Variants in SGSM1 observed in about 807,000 individuals in gnomAD.
SGSM1 encodes small G protein signaling modulator 1.
A neutral mutation model predicts 133.8 loss-of-function variants in SGSM1; 73 were observed. The observed-to-expected ratio is 0.55, with a 90% CI of 0.45 to 0.66. SGSM1 has a LOEUF of 0.66. SGSM1 is among the 30% of genes least tolerant of loss of function. The pLI, the probability that SGSM1 is intolerant of heterozygous loss-of-function variation, is 0.00. For synonymous variants in SGSM1, 563 were observed against 573.0 expected, an observed-to-expected ratio of 0.98 and a Z score of 0.25; for missense variants, 1,213 against 1,448.1, an observed-to-expected ratio of 0.84 and a Z score of 2.64.
intron 11 of SGSM1, 61 bp downstream of exon 11, chr22:24,868,600 T>G (rs1201358394): frequency 6.2e-7 from 1 of 1,611,910 alleles, no homozygotes; most frequent in African/African-American, 1.3e-5. Flanking sequence ...GGGTGGTTGT[T>G]TTTGCCTGTG....
chr22:24,851,698 G>C (rs562548788), intron 5 of SGSM1, among the ~76,000 whole-genome samples: 38 of 152,248 alleles, frequency 2.5e-4, no homozygotes, highest in African/African-American at 7.5e-4. Context: ...ATGTTCCAAG[G>C]GGGCGTGGTG....
chr22:24,898,843 T>C (rs907634947), intron 19 of SGSM1, among the ~76,000 whole-genome samples: 8 of 151,966 alleles, frequency 5.3e-5, no homozygotes, highest in Admixed American at 2.0e-4. Context: ...CTGGCTAACA[T>C]GGTGAAAACC....
chr22:24,906,519 G>C (rs1484571246), intron 21 of SGSM1, among the ~76,000 whole-genome samples: 1 of 152,230 alleles, frequency 6.6e-6, no homozygotes, highest in South Asian at 2.1e-4. Context: ...ACTGATAAGT[G>C]TATCAAGGTT....
intron 13 of SGSM1, among the ~76,000 whole-genome samples, chr22:24,878,244 C>T (rs558217152): frequency 6.6e-6 from 1 of 152,140 alleles, no homozygotes; most frequent in Admixed American, 6.5e-5. Context: ...GGAGAAATTC[C>T]AAGTAACTCT....
intron 3 of SGSM1, among the ~76,000 whole-genome samples, chr22:24,847,193 A>C (rs751587196): frequency 6.6e-6 from 1 of 152,124 alleles, no homozygotes; most frequent in African/African-American, 2.4e-5. Context: ...TCATTCATTC[A>C]AAACAAAGTG....
intron 2 of SGSM1, among the ~76,000 whole-genome samples, chr22:24,840,997 C>T (rs1029608527): frequency 6.6e-6 from 1 of 151,962 alleles, no homozygotes; most frequent in Non-Finnish European, 1.5e-5. Flanking sequence ...ACTACAGGCG[C>T]CCACCACCAC....
chr22:24,858,554 T>A (rs1930938795), intron 8 of SGSM1, among the ~76,000 whole-genome samples: 1 of 145,898 alleles, frequency 6.9e-6, no homozygotes, highest in African/African-American at 2.5e-5. Flanking sequence ...AAGAATCACC[T>A]AAATCCGGGA....
rs533284180 is a variant in SGSM1, at chr22:24,880,520, A to G, written c.1495+994A>G. 5.9e-5 allele frequency among the ~76,000 whole-genome samples: 9 copies of G among 152,316 alleles called. No homozygotes were observed. In the South Asian group the frequency reaches 1.0e-3, roughly 18 times the overall value. On this transcript the variant is annotated intron_variant, in intron 14 of 24. Coordinates refer to ENST00000400358, the MANE Select transcript of SGSM1 (RefSeq NM_001098497.3). The stretch of plus-strand genomic sequence containing the variant: ...ACGTGTGTGTATTTTCAGGAATTCT[A>G]GAAACATCTTAATACAACCTGCATG...
intron 2 of SGSM1, among the ~76,000 whole-genome samples, chr22:24,829,069 G>A (rs902446763): frequency 1.4e-4 from 22 of 152,074 alleles, no homozygotes; most frequent in African/African-American, 4.1e-4. Context: ...GGTGGCGGGC[G>A]CCTGTAGTCC....
chr22:24,870,401 G>A (rs888769111), intron 12 of SGSM1, among the ~76,000 whole-genome samples: 1 of 152,216 alleles, frequency 6.6e-6, no homozygotes, highest in African/African-American at 2.4e-5. Context: ...ATCAGAGAGG[G>A]CCAGATCCTC....
chr22:24,826,189 C>T (rs948330338), intron 2 of SGSM1, among the ~76,000 whole-genome samples: 2 of 152,160 alleles, frequency 1.3e-5, no homozygotes, highest in African/African-American at 4.8e-5. Context: ...CCAGATTTGG[C>T]AAATAAAAAT....
At chr22:24,883,549 TC>T (rs1932447122) in intron 14 of SGSM1, among the ~76,000 whole-genome samples, 1 of 152,138 alleles carries the variant, frequency 6.6e-6, no homozygotes, top group African/African-American at 2.4e-5. Context: ...TGATAAGACT[TC>T]CCTAGGGTTA....
Position 24,917,807 on chromosome 22 carries a change from C to G in SGSM1, c.3025+53C>G, listed in dbSNP as rs916897388. On this transcript the variant is annotated intron_variant, in intron 23 of 24. Coordinates refer to ENST00000400358, the MANE Select transcript of SGSM1 (RefSeq NM_001098497.3). ...TCCAGACTCTTTGTAGCAGAACTTT[C>G]AGGGGAAAAGATCCCGTGGAGGTGA... 1.1e-4 allele frequency: 159 copies of G among 1,496,518 alleles called. No homozygotes were observed. In the East Asian group the frequency reaches 3.5e-3, roughly 33 times the overall value. The allele number at this position is 1,496,518 out of a possible 1,614,324, so 92.7% of individuals were successfully genotyped here.
chr22:24,913,644 CA>C (rs1933715026), intron 22 of SGSM1, among the ~76,000 whole-genome samples: 1 of 152,198 alleles, frequency 6.6e-6, no homozygotes, highest in South Asian at 2.1e-4. Context: ...TAAAATACTA[CA>C]AAGTATTTTG....
At chr22:24,861,956 C>CTTTTT (rs551010251) in intron 9 of SGSM1, among the ~76,000 whole-genome samples, 2 of 116,528 alleles carry the variant, frequency 1.7e-5, no homozygotes, top group African/African-American at 3.9e-5. Context: ...TTCTTTCTTT[C>CTTTTT]TTTTTTTTTT....
intron 20 of SGSM1, among the ~76,000 whole-genome samples, chr22:24,904,673 C>G (rs9612805): frequency 0.058 from 8,813 of 152,098 alleles, 310 homozygotes; most frequent in Non-Finnish European, 0.068. Flanking sequence ...ATTGCAATTC[C>G]TGACAAAGGG....
intron 5 of SGSM1, among the ~76,000 whole-genome samples, chr22:24,850,924 CG>C (rs1930420020): frequency 6.6e-6 from 1 of 151,932 alleles, no homozygotes; most frequent in Admixed American, 6.6e-5. Context: ...GGTGAAACCC[CG>C]TCTCTACTAA....
At chr22:24,839,202 A>C (rs747481885) in intron 2 of SGSM1, among the ~76,000 whole-genome samples, 1 of 152,124 alleles carries the variant, frequency 6.6e-6, no homozygotes, top group Non-Finnish European at 1.5e-5. Flanking sequence ...TTGCAGGCAC[A>C]TGCCACCATG....
At chr22:24,861,940 G>GTTTC (rs200414447) in intron 9 of SGSM1, among the ~76,000 whole-genome samples, 2 of 148,744 alleles carry the variant, frequency 1.3e-5, no homozygotes, top group African/African-American at 2.5e-5. Flanking sequence ...AGAGTCTAGA[G>GTTTC]TTTCTTTCTT....
Sources: allele counts gnomAD v4.1 joint callset (sites outside exome capture counted in the v4.1 genomes callset), GRCh38; gene constraint gnomAD v4.1.1; transcripts MANE v1.5; gene names NCBI Gene and HGNC (gene_info 2026-07-23, HGNC 2026-07-21).